Variants in HDAC2 observed in about 807,000 individuals in gnomAD.
The protein encoded by HDAC2 is YY1-associated factor 1.
HDAC2 carries 5 observed loss-of-function variants against 68.5 expected under a neutral mutation model. The ratio of observed to expected loss-of-function variants is 0.07; its 90% confidence interval spans 0.04 to 0.15. The LOEUF (loss-of-function observed/expected upper bound fraction) is 0.15. Among genes scored for constraint, HDAC2 ranks in the 10% least tolerant of loss-of-function variants. The probability of loss-of-function intolerance (pLI) is 1.00; values close to 1 mark genes in which losing one functional copy is unlikely to be tolerated. For synonymous variants in HDAC2, 182 were observed against 191.3 expected (o/e 0.95, Z 0.40); for missense variants, 291 against 600.8 (o/e 0.48, Z 5.39).
chr6:113,967,135 A>G (rs1005459342), intron 1 of HDAC2, among the ~76,000 whole-genome samples: 1 of 152,102 alleles, frequency 6.6e-6, no homozygotes, highest in African/African-American at 2.4e-5. Flanking sequence ...GTTGGGAGGT[A>G]TCATCTTGGT....
intron 12 of HDAC2, 140 bp downstream of exon 12, chr6:113,943,211 T>TG: frequency 3.3e-6 from 2 of 611,318 alleles, no homozygotes; most frequent in Admixed American, 5.5e-5. Context: ...ACCACTTATA[T>TG]GTAAGAAAAA....
In HDAC2 at chr6:113,945,430, G is replaced by T; in HGVS notation, c.1023C>A (p.Asp341Glu). 6.4e-7 allele frequency: 1 copy of T among 1,565,216 alleles called. No individual in the cohort carries two copies. Among genetic ancestry groups the T allele is most frequent in the Non-Finnish European group, 8.8e-7 (1 of 1,135,924 alleles). ...YNDYFEYFGP[D>E]FKLHISPSNM... ...TTGAAGGACTAATATGCAGTTTGAA[G>T]TCTGGTCCAAAATACTCAAAGTAAT... Residue 341 changes from aspartate to glutamate, a missense_variant, in exon 10 of 14, where the codon GAC becomes GAA. By Grantham distance (45) the Asp-to-Glu change is conservative. This residue lies in a region of HDAC2 where 154 missense variants were observed against 472.1 expected (regional missense o/e 0.33). Transcript: ENST00000519065.
chr6:113,955,955 TTG>T (rs769763332), intron 5 of HDAC2, 56 bp downstream of exon 5: 162 of 1,271,686 alleles, frequency 1.3e-4, no homozygotes, highest in Middle Eastern at 2.0e-4. Flanking sequence ...ACTTTATTTA[TTG>T]TGTTTTAATG....
intron 5 of HDAC2, among the ~76,000 whole-genome samples, chr6:113,955,417 T>G (rs1964139): frequency 0.18 from 27,472 of 152,030 alleles, 2,727 homozygotes; most frequent in East Asian, 0.35. Flanking sequence ...TTCACCATGT[T>G]GGTCAGGCTG....
chr6:113,953,195 A>G, intron 6 of HDAC2, 82 bp downstream of exon 6: 2 of 946,744 alleles, frequency 2.1e-6, no homozygotes, highest in South Asian at 3.8e-5. Flanking sequence ...TTAACTCAGG[A>G]GAAAAATACT....
intron 13 of HDAC2, 115 bp downstream of exon 13, chr6:113,941,593 T>C (rs80092431): frequency 0.043 from 18,406 of 431,894 alleles, 498 homozygotes; most frequent in Non-Finnish European, 0.055. Flanking sequence ...CACCTCATAA[T>C]GATGTTCTAA....
rs55796700 is a variant in HDAC2 at position 113,943,526 on chromosome 6, A to C, written c.1223-20T>G. On this transcript the variant is annotated intron_variant, in intron 11 of 13. Coordinates refer to ENST00000519065, the MANE Select transcript of HDAC2 (RefSeq NM_001527.4). ...CTCGAACTGCACAGAATATTTTAAT[A>C]AATTTTGACAAAAACAGTCACAGGT... is the stretch of plus-strand genomic sequence containing the variant. The C allele has an allele frequency of 1.2e-4, 192 of 1,567,806 alleles. No individual in the cohort carries two copies. In the African/African-American group the frequency reaches 2.4e-3, roughly 20 times the overall value.
chr6:113,955,699 T>TG (rs34803361), intron 5 of HDAC2, among the ~76,000 whole-genome samples: 2 of 151,956 alleles, frequency 1.3e-5, no homozygotes, highest in African/African-American at 4.8e-5. Flanking sequence ...TCTGTAGAGA[T>TG]GGGGTTTTGC....
At position 113,944,385 on chromosome 6, in the gene HDAC2, T is replaced by C; in HGVS notation, c.1117A>G (p.Met373Val). Residue 373 changes from methionine to valine, a missense_variant, in exon 11 of 14, where the codon ATG becomes GTG. Met to Val is a conservative substitution (Grantham distance 21). This residue lies in a region of HDAC2 where 154 missense variants were observed against 472.1 expected (regional missense o/e 0.33). Transcript: ENST00000519065. ...TGGACACCAGGTGCATGAGGTAACA[T>C]GCGCAAATTTTCAAACAAACGCTGT... Reference protein sequence around the residue: ...IKQRLFENLRMLPHAPGVQMQ... With the variant: ...IKQRLFENLRVLPHAPGVQMQ... 6.2e-7 allele frequency: 1 copy of C among 1,613,650 alleles called. No individual in the cohort carries two copies. Among genetic ancestry groups the C allele is most frequent in the Non-Finnish European group, 8.5e-7 (1 of 1,179,656 alleles).
Position 113,936,765 on chromosome 6 carries a change from G to T in HDAC2, c.*4293C>A, listed in dbSNP as rs574129091. The T allele has an allele frequency of 2.6e-5, 4 of 152,588 alleles. No homozygotes were observed. Among genetic ancestry groups the T allele is most frequent in the Admixed American group, 1.3e-4 (2 of 15,298 alleles). 9.5% of individuals were successfully genotyped at this position (152,588 alleles called of 1,614,324 possible). On this transcript the variant is annotated 3_prime_UTR_variant, in exon 14 of 14. Coordinates refer to ENST00000519065, the MANE Select transcript of HDAC2 (RefSeq NM_001527.4). ...CCAGCACTTTGGGAGGCCCAGGCGG[G>T]TGGATCATTTGAGGTAAGGAGTTCA...
chr6:113,953,020 A>T (rs897573860), intron 6 of HDAC2, among the ~76,000 whole-genome samples: 7 of 152,214 alleles, frequency 4.6e-5, no homozygotes, highest in African/African-American at 1.7e-4. Flanking sequence ...GAAGGGCTTC[A>T]TGCTTTGTGG....
In HDAC2 at chr6:113,941,703, T is replaced by C. The variant is rs915198702; in HGVS notation, c.1436+5A>G. On this transcript the variant is annotated splice_donor_5th_base_variant and intron_variant, in intron 13 of 13. Coordinates refer to ENST00000519065, the MANE Select transcript of HDAC2 (RefSeq NM_001527.4). ...AAAAAGTACTTGATAAGGAACATCA[T>C]TTACCCTTTGGTATCTGTTTTTTCA... 53 of 1,316,510 alleles carry C rather than the reference T, an allele frequency of 4.0e-5. No individual in the cohort carries two copies. The highest frequency in any genetic ancestry group is 5.5e-5 in the Non-Finnish European group (52 of 941,702). 81.6% of individuals were successfully genotyped at this position (1,316,510 alleles called of 1,614,324 possible).
In HDAC2 at chr6:113,937,346, T is replaced by C. The variant is rs1776024423; in HGVS notation, c.*3712A>G. On this transcript the variant is annotated 3_prime_UTR_variant, in exon 14 of 14. Coordinates refer to ENST00000519065, the MANE Select transcript of HDAC2 (RefSeq NM_001527.4). Reference sequence around the variant, plus strand: ...GTAAGAACTTCAAATAATTGCCCATTGACAGAATGCTAGCAGCTCTGGTAG... The same window carrying C: ...GTAAGAACTTCAAATAATTGCCCATCGACAGAATGCTAGCAGCTCTGGTAG... 6.6e-6 allele frequency: 1 copy of C among 152,186 alleles called. No individual in the cohort carries two copies. Among genetic ancestry groups the C allele is most frequent in the African/African-American group, 2.4e-5 (1 of 41,454 alleles). 9.4% of individuals were successfully genotyped at this position (152,186 alleles called of 1,614,324 possible).
rs1775990662 is a variant in HDAC2 at position 113,935,970 on chromosome 6, A to G, written c.*5088T>C. 1 of 152,198 alleles carries G rather than the reference A, an allele frequency of 6.6e-6. No individual in the cohort carries two copies. Among genetic ancestry groups the G allele is most frequent in the South Asian group, 2.1e-4 (1 of 4,834 alleles). The allele number at this position is 152,198 out of a possible 1,614,324, so 9.4% of individuals were successfully genotyped here. A position where few individuals can be genotyped will look rare whatever the true frequency, so the allele number is the denominator to read the frequency against. On this transcript the variant is annotated 3_prime_UTR_variant, in exon 14 of 14. Transcript: ENST00000519065. The stretch of plus-strand genomic sequence containing the variant: ...TCAATTCTTTCCCATTCTGTATACT[A>G]ACTGATTCTTACCACCAGTCAAAAC...
At position 113,934,430 on chromosome 6, in the gene HDAC2, C is replaced by T. The variant is rs1370145328; in HGVS notation, c.*6628G>A. 3 of 152,186 alleles carry T rather than the reference C, an allele frequency of 2.0e-5. No individual in the cohort carries two copies. The highest frequency in any genetic ancestry group is 4.4e-5 in the Non-Finnish European group (3 of 68,048). The allele number at this position is 152,186 out of a possible 1,614,324, so 9.4% of individuals were successfully genotyped here. On this transcript the variant is annotated 3_prime_UTR_variant, in exon 14 of 14. Transcript: ENST00000519065. ...GTGTAATGTAAAGGCTGGTGCTAGA[C>T]CCATATATGTGATTTCCAGTGCATT...
In HDAC2 at chr6:113,934,147, A is replaced by G. The variant is rs1582469616; in HGVS notation, c.*6911T>C. 2 of 152,298 alleles carry G rather than the reference A, an allele frequency of 1.3e-5. No individual in the cohort carries two copies. Among genetic ancestry groups the G allele is most frequent in the East Asian group, 3.9e-4 (2 of 5,180 alleles). The allele number at this position is 152,298 out of a possible 1,614,324, so 9.4% of individuals were successfully genotyped here. Reference sequence around the variant, plus strand: ...GATTTCATACCTATTACACATAAAGATATAAAGGCATATTTTGGACTTTAA... The same window carrying G: ...GATTTCATACCTATTACACATAAAGGTATAAAGGCATATTTTGGACTTTAA... On this transcript the variant is annotated 3_prime_UTR_variant, in exon 14 of 14. Coordinates refer to ENST00000519065, the MANE Select transcript of HDAC2 (RefSeq NM_001527.4).
intron 11 of HDAC2, 50 bp from the exon 12 acceptor site, chr6:113,943,556 T>A: frequency 6.8e-7 from 1 of 1,466,438 alleles, no homozygotes; most frequent in South Asian, 1.3e-5. Context: ...ACAGGTTTTA[T>A]AATCATTACA....
rs1775948801 is a variant in HDAC2 at position 113,934,151 on chromosome 6, A to G, written c.*6907T>C. ...TCATACCTATTACACATAAAGATAT[A>G]AAGGCATATTTTGGACTTTAAAGAG... On this transcript the variant is annotated 3_prime_UTR_variant, in exon 14 of 14. Transcript: ENST00000519065. 2.0e-5 allele frequency: 3 copies of G among 152,210 alleles called. No homozygotes were observed. Among genetic ancestry groups the G allele is most frequent in the Non-Finnish European group, 2.9e-5 (2 of 68,042 alleles). The allele number at this position is 152,210 out of a possible 1,614,324, so 9.4% of individuals were successfully genotyped here.
intron 8 of HDAC2, chr6:113,948,556 A>G: frequency 6.4e-6 from 1 of 157,446 alleles, no homozygotes; most frequent in Non-Finnish European, 1.4e-5. Flanking sequence ...GTAAACACTA[A>G]GTATCACAAT....
Sources: allele counts gnomAD v4.1 joint callset (sites outside exome capture counted in the v4.1 genomes callset), GRCh38; gene constraint gnomAD v4.1.1; regional missense constraint gnomAD v4.1.1; transcripts MANE v1.5; gene names NCBI Gene and HGNC (gene_info 2026-07-23, HGNC 2026-07-21).